PTPRD: variants seen among roughly 807,000 people sequenced by gnomAD.
The protein encoded by PTPRD is receptor-type tyrosine-protein phosphatase delta.
A neutral mutation model predicts 214.5 loss-of-function variants in PTPRD; 34 were observed. The observed-to-expected ratio is 0.16, with a 90% CI of 0.12 to 0.21. PTPRD has a LOEUF of 0.21. PTPRD is among the 10% of genes least tolerant of loss of function. The pLI is 1.00. For missense variants in PTPRD, 2,545 were observed against 2,398.7 expected (o/e 1.06, Z -1.27); for synonymous variants, 1,128 against 845.7 (o/e 1.33, Z -5.79).
intron 5 of PTPRD, among the ~76,000 whole-genome samples, chr9:9,779,731 G>A (rs879834576): frequency 6.6e-6 from 1 of 152,106 alleles, no homozygotes; most frequent in African/African-American, 2.4e-5. Context: ...TGGAGAAAAG[G>A]GAGCACCAAC....
Position 10,239,281 on chromosome 9 carries a change from AC to A in PTPRD, c.-545+101681del, listed in dbSNP as rs147721911. ...TTGATAGAATTATACAATGAATGTG[AC>A]TAAAATGGTATAATAAATGTGATAA... is the stretch of plus-strand genomic sequence containing the variant. On this transcript the variant is annotated intron_variant, in intron 3 of 45. Transcript: ENST00000381196. Among the ~76,000 whole-genome samples, 774 of 152,068 alleles carry A rather than the reference AC, an allele frequency of 5.1e-3. 7 individuals are homozygous for A. Among genetic ancestry groups the A allele is most frequent in the African/African-American group, 0.017 (720 of 41,534 alleles).
intron 12 of PTPRD, among the ~76,000 whole-genome samples, chr9:8,673,757 T>C (rs187875322): frequency 2.8e-4 from 43 of 152,358 alleles, no homozygotes; most frequent in Middle Eastern, 6.8e-3. Flanking sequence ...TATTTGTGTA[T>C]GTTCAATTGG....
At chr9:8,361,897 G>A (rs948196684) in intron 39 of PTPRD, among the ~76,000 whole-genome samples, 9 of 152,316 alleles carry the variant, frequency 5.9e-5, no homozygotes, top group East Asian at 3.9e-4. Context: ...AAAGAGGATC[G>A]TGTTCAGACC....
intron 3 of PTPRD, among the ~76,000 whole-genome samples, chr9:10,110,119 C>T (rs2098677163): frequency 6.6e-6 from 1 of 152,280 alleles, no homozygotes; most frequent in African/African-American, 2.4e-5. Context: ...TAGGGCAGAA[C>T]ACCCTGACAC....
chr9:10,517,491 T>A (rs2050527726), intron 2 of PTPRD, among the ~76,000 whole-genome samples: 1 of 152,062 alleles, frequency 6.6e-6, no homozygotes, highest in African/African-American at 2.4e-5. Context: ...TTTCTACACA[T>A]AAGATCATGT....
intron 10 of PTPRD, among the ~76,000 whole-genome samples, chr9:9,128,649 G>C (rs1300679773): frequency 6.6e-6 from 1 of 152,164 alleles, no homozygotes; most frequent in African/African-American, 2.4e-5. Flanking sequence ...GACTTTTTGA[G>C]TGTTCATGTA....
Position 9,346,598 on chromosome 9 carries a change from G to A in PTPRD, c.-203+50851C>T, listed in dbSNP as rs933704654. Among the ~76,000 whole-genome samples, 8 of 152,038 alleles carry A rather than the reference G, an allele frequency of 5.3e-5. No homozygotes were observed. In the South Asian group the frequency reaches 1.0e-3, roughly 20 times the overall value. ...TAACTCTAGTTGTTCTTAAACATAC[G>A]GATGTATATAAAGCACTCTATAACT... On this transcript the variant is annotated intron_variant, in intron 9 of 45. Transcript: ENST00000381196.
intron 7 of PTPRD, among the ~76,000 whole-genome samples, chr9:9,592,807 G>T (rs1256609703): frequency 6.6e-6 from 1 of 152,086 alleles, no homozygotes; most frequent in Non-Finnish European, 1.5e-5. Flanking sequence ...CACTTTGGGA[G>T]GTTGAGGTGG....
At chr9:8,792,042 A>AGGG (rs2096254060) in intron 11 of PTPRD, among the ~76,000 whole-genome samples, 1 of 152,190 alleles carries the variant, frequency 6.6e-6, no homozygotes, top group South Asian at 2.1e-4. Context: ...ATCTGTCACA[A>AGGG]TCATTTCTTA....
chr9:10,272,390 A>G (rs539018313), intron 3 of PTPRD, among the ~76,000 whole-genome samples: 2 of 152,212 alleles, frequency 1.3e-5, no homozygotes, highest in Non-Finnish European at 2.9e-5. Flanking sequence ...TGACTACTGT[A>G]AAGAGTGCAT....
intron 8 of PTPRD, among the ~76,000 whole-genome samples, chr9:9,446,623 C>T (rs150863437): frequency 8.2e-4 from 124 of 152,146 alleles, no homozygotes; most frequent in African/African-American, 2.9e-3. Context: ...AATGGTGCCA[C>T]AGAAGGGAAC....
chr9:9,625,763 A>G (rs755465521), intron 7 of PTPRD, among the ~76,000 whole-genome samples: 44 of 152,274 alleles, frequency 2.9e-4, no homozygotes, highest in East Asian at 1.9e-4. Flanking sequence ...AAGTAGGGAC[A>G]TTTTATCCGA....
At position 10,263,775 on chromosome 9, in the gene PTPRD, G is replaced by C. The variant is rs139120875; in HGVS notation, c.-545+77188C>G. ...CAAGGAGCCCAATGTTAATCACCAA[G>C]ACAATGGTGAAAACGTCCCTAGGGC... On this transcript the variant is annotated intron_variant, in intron 3 of 45. Coordinates refer to ENST00000381196, the MANE Select transcript of PTPRD (RefSeq NM_002839.4). Among the ~76,000 whole-genome samples the C allele has an allele frequency of 2.3e-3, 346 of 152,242 alleles. 1 individual carries two copies. The highest frequency in any genetic ancestry group is 8.1e-3 in the African/African-American group (338 of 41,538).
chr9:10,006,660 T>C (rs2096483637), intron 4 of PTPRD, among the ~76,000 whole-genome samples: 2 of 151,986 alleles, frequency 1.3e-5, no homozygotes, highest in Admixed American at 6.6e-5. Context: ...TCCCTTTACA[T>C]TGGACGAATA....
intron 2 of PTPRD, among the ~76,000 whole-genome samples, chr9:10,428,205 G>C (rs917783890): frequency 1.3e-5 from 2 of 151,954 alleles, no homozygotes; most frequent in African/African-American, 2.4e-5. Flanking sequence ...TGTAATCCCA[G>C]CTACTTGGGA....
intron 4 of PTPRD, among the ~76,000 whole-genome samples, chr9:10,001,039 G>T (rs1424272484): frequency 2.0e-5 from 3 of 152,172 alleles, no homozygotes; most frequent in South Asian, 4.2e-4. Context: ...TTCTCTCTTG[G>T]GAACCCCGCT....
intron 11 of PTPRD, among the ~76,000 whole-genome samples, chr9:8,925,973 C>A (rs2098887099): frequency 6.7e-6 from 1 of 148,298 alleles, no homozygotes. Context: ...TTCATCAATT[C>A]TCTCCTTTTC....
intron 7 of PTPRD, among the ~76,000 whole-genome samples, chr9:9,646,159 T>C (rs1190437068): frequency 6.6e-6 from 1 of 152,200 alleles, no homozygotes; most frequent in East Asian, 1.9e-4. Flanking sequence ...ATTACATATT[T>C]AGAAGTTTGT....
rs1330424549 is a variant in PTPRD at position 9,807,888 on chromosome 9, T to C, written c.-367-41037A>G. 2.6e-5 allele frequency among the ~76,000 whole-genome samples: 4 copies of C among 152,324 alleles called. No individual in the cohort carries two copies. In the South Asian group the frequency reaches 8.3e-4, roughly 32 times the overall value. On this transcript the variant is annotated intron_variant, in intron 5 of 45. Transcript: ENST00000381196. Reference sequence around the variant, plus strand: ...ATGACTCATATAATTCTGATGTTTGTTCTGATTAGAAATAACCCTAAGAGC... The same window carrying C: ...ATGACTCATATAATTCTGATGTTTGCTCTGATTAGAAATAACCCTAAGAGC...
Sources: gnomAD v4.1 joint callset for allele counts (sites outside exome capture counted in the v4.1 genomes callset) on GRCh38, gnomAD v4.1.1 for gene constraint, MANE v1.5 for transcripts, NCBI Gene and HGNC (gene_info 2026-07-23, HGNC 2026-07-21) for gene names.